Variants in SGK3 observed in about 807,000 individuals in gnomAD.
SGK3 encodes the protein serum/glucocorticoid regulated kinase family member 3.
A neutral mutation model predicts 68.5 loss-of-function variants in SGK3; 47 were observed. The observed-to-expected ratio is 0.69, with a 90% CI of 0.54 to 0.87. The LOEUF is 0.87. SGK3 is among the 40% of genes least tolerant of loss of function. SGK3 has a pLI of 0.00. For synonymous variants in SGK3, 181 were observed against 189.1 expected, an observed-to-expected ratio of 0.96 and a Z score of 0.35; for missense variants, 479 against 575.5, an observed-to-expected ratio of 0.83 and a Z score of 1.72.
At chr8:66,824,013 T>C (rs1375188209) in intron 6 of SGK3, among the ~76,000 whole-genome samples, 1 of 152,142 alleles carries the variant, frequency 6.6e-6, no homozygotes, top group African/African-American at 2.4e-5. Flanking sequence ...GATAATATGG[T>C]GCATTGGAAT....
At chr8:66,840,891 G>A (rs926965246) in intron 12 of SGK3, 133 bp from the exon 13 acceptor site, 9 of 467,476 alleles carry the variant, frequency 1.9e-5, no homozygotes, top group African/African-American at 6.3e-5. Context: ...GCAGTGAGCC[G>A]AGATCACACC....
chr8:66,742,879 C>A (rs1455755430), intron 1 of SGK3, among the ~76,000 whole-genome samples: 1 of 152,048 alleles, frequency 6.6e-6, no homozygotes, highest in Non-Finnish European at 1.5e-5. Context: ...TCTCCATTTT[C>A]CACTCCTCTC....
chr8:66,794,062 A>G (rs1807575270), intron 2 of SGK3, among the ~76,000 whole-genome samples: 1 of 152,150 alleles, frequency 6.6e-6, no homozygotes, highest in South Asian at 2.1e-4. Context: ...GTATGAAACT[A>G]TCTAATTAAT....
intron 14 of SGK3, among the ~76,000 whole-genome samples, chr8:66,845,549 A>G (rs1378560571): frequency 6.6e-6 from 1 of 152,100 alleles, no homozygotes; most frequent in Non-Finnish European, 1.5e-5. Context: ...TTTTTGAGAC[A>G]GAGTCTCACT....
chr8:66,851,835 A>T (rs533084093), intron 16 of SGK3, among the ~76,000 whole-genome samples: 198 of 152,318 alleles, frequency 1.3e-3, no homozygotes, highest in African/African-American at 4.6e-3. Context: ...CACTAATGAT[A>T]GCTTCCTTTG....
chr8:66,771,557 G>C (rs886972791), intron 1 of SGK3, among the ~76,000 whole-genome samples: 12 of 152,192 alleles, frequency 7.9e-5, no homozygotes, highest in Admixed American at 7.2e-4. Context: ...GTGATTCAAG[G>C]GTTTATTTCT....
chr8:66,858,892 C>T (rs1242912314), intron 16 of SGK3, among the ~76,000 whole-genome samples: 1 of 152,114 alleles, frequency 6.6e-6, no homozygotes. Flanking sequence ...AAAGATTGGA[C>T]ACCCCTGTTT....
intron 2 of SGK3, among the ~76,000 whole-genome samples, chr8:66,794,587 T>C (rs1807598587): frequency 6.6e-6 from 1 of 152,198 alleles, no homozygotes; most frequent in Admixed American, 6.5e-5. Flanking sequence ...AGCCCAATTC[T>C]GTTTAATACT....
At chr8:66,794,754 AAT>A (rs1199455315) in intron 2 of SGK3, among the ~76,000 whole-genome samples, 1 of 152,166 alleles carries the variant, frequency 6.6e-6, no homozygotes, top group East Asian at 1.9e-4. Context: ...TGAGTTGGTG[AAT>A]GACCTCATGG....
chr8:66,753,874 A>G (rs1433340859), intron 1 of SGK3, among the ~76,000 whole-genome samples: 1 of 152,184 alleles, frequency 6.6e-6, no homozygotes, highest in African/African-American at 2.4e-5. Flanking sequence ...ATACCTCCAA[A>G]ATATTCTAGC....
chr8:66,791,009 A>G (rs578111590), intron 1 of SGK3, among the ~76,000 whole-genome samples: 5 of 152,322 alleles, frequency 3.3e-5, no homozygotes, highest in African/African-American at 1.2e-4. Context: ...GGAGTTTAAC[A>G]AAGGGACTGT....
At chr8:66,745,561 G>C (rs1007404270) in intron 1 of SGK3, among the ~76,000 whole-genome samples, 1 of 151,550 alleles carries the variant, frequency 6.6e-6, no homozygotes, top group Non-Finnish European at 1.5e-5. Flanking sequence ...GCAACAGAGA[G>C]AGACTGTCTC....
intron 16 of SGK3, among the ~76,000 whole-genome samples, chr8:66,851,375 G>A (rs529686791): frequency 1.2e-3 from 176 of 152,030 alleles, no homozygotes; most frequent in Non-Finnish European, 1.9e-3. Context: ...AAAATTATCC[G>A]GGTGTGGTGA....
At chr8:66,809,486 A>G (rs927308907) in intron 4 of SGK3, among the ~76,000 whole-genome samples, 22 of 152,176 alleles carry the variant, frequency 1.4e-4, no homozygotes, top group African/African-American at 5.3e-4. Flanking sequence ...GAAAGTAATT[A>G]TCATAGCAGG....
At chr8:66,733,609 G>A (rs1805231075) in intron 1 of SGK3, among the ~76,000 whole-genome samples, 1 of 152,030 alleles carries the variant, frequency 6.6e-6, no homozygotes, top group African/African-American at 2.4e-5. Flanking sequence ...GAAGGCTTGG[G>A]TTCTACCATT....
chr8:66,826,647 T>G (rs1361678114), intron 6 of SGK3, among the ~76,000 whole-genome samples: 5 of 151,998 alleles, frequency 3.3e-5, no homozygotes, highest in Non-Finnish European at 7.4e-5. Context: ...TTTATTTTAT[T>G]TTATTTTATT....
intron 16 of SGK3, among the ~76,000 whole-genome samples, chr8:66,855,602 T>G (rs1042313634): frequency 6.6e-6 from 1 of 152,148 alleles, no homozygotes; most frequent in Non-Finnish European, 1.5e-5. Context: ...AATAACAAAC[T>G]GGGAAAATTT....
At chr8:66,740,266 A>T (rs1327324354) in intron 1 of SGK3, among the ~76,000 whole-genome samples, 2 of 152,222 alleles carry the variant, frequency 1.3e-5, no homozygotes, top group Non-Finnish European at 2.9e-5. Flanking sequence ...TGATACAGAA[A>T]CATTAACAAA....
chr8:66,787,456 C>A (rs367962716), intron 1 of SGK3, among the ~76,000 whole-genome samples: 2 of 152,218 alleles, frequency 1.3e-5, no homozygotes, highest in East Asian at 3.8e-4. Context: ...TCCCTAAGGG[C>A]TGTCTAATCC....
Sources: gnomAD v4.1 joint callset for allele counts (sites outside exome capture counted in the v4.1 genomes callset) on GRCh38, gnomAD v4.1.1 for gene constraint, MANE v1.5 for transcripts, NCBI Gene and HGNC (gene_info 2026-07-23, HGNC 2026-07-21) for gene names.